Variants in CDH12 observed in about 807,000 individuals in gnomAD.
CDH12 encodes cadherin 12.
In CDH12, 41 loss-of-function variants were observed where a neutral mutation model predicts 74.1. That is an observed-to-expected ratio of 0.55 (90% CI 0.43 to 0.72). The LOEUF (loss-of-function observed/expected upper bound fraction) is 0.72. Ranked by LOEUF, CDH12 falls within the 30% of genes least tolerant of loss-of-function variation. The probability of loss-of-function intolerance (pLI) is 0.00; values close to 1 mark genes in which losing one functional copy is unlikely to be tolerated. For missense variants in CDH12, 945 were observed against 977.2 expected (o/e 0.97, Z 0.44); for synonymous variants, 399 against 355.0 (o/e 1.12, Z -1.39).
At chr5:22,761,871 A>G (rs1232570661) in intron 1 of CDH12, among the ~76,000 whole-genome samples, 2 of 152,162 alleles carry the variant, frequency 1.3e-5, no homozygotes, top group Admixed American at 6.6e-5. Context: ...TGTCAGACTT[A>G]GCATGTGTTA....
chr5:22,116,592 A>G (rs1486108553), intron 4 of CDH12, among the ~76,000 whole-genome samples: 1 of 151,816 alleles, frequency 6.6e-6, no homozygotes, highest in Non-Finnish European at 1.5e-5. Context: ...GTGACAGAGC[A>G]AGACTCTGTT....
chr5:21,969,152 G>GA (rs377353629), intron 6 of CDH12, among the ~76,000 whole-genome samples: 4,269 of 137,350 alleles, frequency 0.031, 172 homozygotes, highest in African/African-American at 0.095. Context: ...AAATCTAAAA[G>GA]AAAAAAAAAA....
At chr5:22,167,352 A>C (rs1265553439) in intron 4 of CDH12, among the ~76,000 whole-genome samples, 1 of 152,206 alleles carries the variant, frequency 6.6e-6, no homozygotes, top group Non-Finnish European at 1.5e-5. Context: ...ACCCCAGGGA[A>C]TTGGAATGAC....
intron 1 of CDH12, among the ~76,000 whole-genome samples, chr5:22,765,761 T>C (rs558081063): frequency 6.6e-6 from 1 of 151,946 alleles, no homozygotes; most frequent in African/African-American, 2.4e-5. Context: ...ATTTACAAAA[T>C]TTAGAAGCAA....
At chr5:22,292,351 T>G (rs1321727474) in intron 3 of CDH12, among the ~76,000 whole-genome samples, 1 of 148,876 alleles carries the variant, frequency 6.7e-6, no homozygotes, top group African/African-American at 2.5e-5. Context: ...GTTTTTTTTT[T>G]TTTTTTTTGC....
In CDH12 at chr5:22,357,436, T is replaced by C. The variant is rs149736432; in HGVS notation, c.-333+47821A>G. Among the ~76,000 whole-genome samples, 777 of 152,078 alleles carry C rather than the reference T, an allele frequency of 5.1e-3. 2 individuals are homozygous for C. Among genetic ancestry groups the C allele is most frequent in the African/African-American group, 0.017 (704 of 41,498 alleles). ...TTAACTCGGTACCCCAAATGGAAGA[T>C]AAAAATTAATCCATAAAAAAAACCA... On this transcript the variant is annotated intron_variant, in intron 3 of 14. Coordinates refer to ENST00000382254, the MANE Select transcript of CDH12 (RefSeq NM_004061.5).
chr5:21,938,119 A>G (rs1755156997), intron 6 of CDH12, among the ~76,000 whole-genome samples: 1 of 152,116 alleles, frequency 6.6e-6, no homozygotes, highest in African/African-American at 2.4e-5. Context: ...GGCTTTTTCC[A>G]GTTTAACCTC....
At chr5:22,193,857 A>G (rs867725849) in intron 4 of CDH12, among the ~76,000 whole-genome samples, 19 of 152,370 alleles carry the variant, frequency 1.2e-4, no homozygotes, top group Non-Finnish European at 1.3e-4. Flanking sequence ...GTGATAGCCT[A>G]CGCAAGGTAT....
chr5:22,058,851 T>A (rs572831411), intron 5 of CDH12, among the ~76,000 whole-genome samples: 73 of 152,172 alleles, frequency 4.8e-4, no homozygotes, highest in Admixed American at 1.7e-3. Context: ...ATCTAACATA[T>A]CATCTTTGAT....
chr5:21,881,547 G>A (rs975102679), intron 6 of CDH12, among the ~76,000 whole-genome samples: 5 of 151,810 alleles, frequency 3.3e-5, no homozygotes, highest in African/African-American at 1.2e-4. Flanking sequence ...TAACTAAGCT[G>A]TTTTATTTTG....
chr5:22,007,909 A>C (rs1419084238), intron 5 of CDH12, among the ~76,000 whole-genome samples: 1 of 152,028 alleles, frequency 6.6e-6, no homozygotes, highest in East Asian at 1.9e-4. Context: ...TTTCAGTTGC[A>C]AAGGAAATGT....
intron 4 of CDH12, among the ~76,000 whole-genome samples, chr5:22,207,667 T>A (rs894698923): frequency 4.9e-4 from 74 of 152,258 alleles, no homozygotes; most frequent in African/African-American, 1.7e-3. Context: ...AATAGAATGG[T>A]TTCTCTAAAA....
At chr5:21,833,067 A>ATATAATATATATT (rs1749189714) in intron 8 of CDH12, among the ~76,000 whole-genome samples, 1 of 80,154 alleles carries the variant, frequency 1.2e-5, no homozygotes, top group Non-Finnish European at 2.2e-5. Flanking sequence ...GTTATATAAC[A>ATATAATATATATT]TATAATATAT....
At chr5:22,478,684 G>A (rs1334232414) in intron 2 of CDH12, among the ~76,000 whole-genome samples, 2 of 151,854 alleles carry the variant, frequency 1.3e-5, no homozygotes, top group South Asian at 2.1e-4. Flanking sequence ...TAGATAGGTT[G>A]AATTGATGAG....
At chr5:21,946,060 C>G (rs1034910205) in intron 6 of CDH12, among the ~76,000 whole-genome samples, 1 of 151,342 alleles carries the variant, frequency 6.6e-6, no homozygotes, top group African/African-American at 2.4e-5. Flanking sequence ...ATAATGTAAA[C>G]CACAGCAGAT....
intron 2 of CDH12, among the ~76,000 whole-genome samples, chr5:22,444,757 T>A (rs1744759492): frequency 6.6e-6 from 1 of 152,016 alleles, no homozygotes; most frequent in African/African-American, 2.4e-5. Flanking sequence ...GGAGGAATAT[T>A]TCAGATGATG....
chr5:22,065,547 C>T (rs1164472272), intron 5 of CDH12, among the ~76,000 whole-genome samples: 1 of 152,044 alleles, frequency 6.6e-6, no homozygotes, highest in Non-Finnish European at 1.5e-5. Context: ...AGACAAAACT[C>T]AAAGGCCTAG....
intron 5 of CDH12, among the ~76,000 whole-genome samples, chr5:22,048,642 G>A (rs1056195378): frequency 6.6e-6 from 1 of 152,064 alleles, no homozygotes; most frequent in Non-Finnish European, 1.5e-5. Context: ...ATATCAAGTG[G>A]GGGTTGGGGG....
chr5:22,660,138 G>A (rs1400630462), intron 1 of CDH12, among the ~76,000 whole-genome samples: 2 of 152,072 alleles, frequency 1.3e-5, no homozygotes, highest in African/African-American at 4.8e-5. Context: ...GAGATATTTG[G>A]AGTTTATTTT....
Sources: gnomAD v4.1 joint callset for allele counts (sites outside exome capture counted in the v4.1 genomes callset) on GRCh38, gnomAD v4.1.1 for gene constraint, MANE v1.5 for transcripts, NCBI Gene and HGNC (gene_info 2026-07-23, HGNC 2026-07-21) for gene names.